The following CORO7 variants were observed in gnomAD, a reference collection of about 807,000 sequenced individuals.
CORO7 encodes coronin 7.
In CORO7, 107 loss-of-function variants were observed where a neutral mutation model predicts 126.6. The ratio of observed to expected loss-of-function variants is 0.85; its 90% CI spans 0.72 to 0.99. The LOEUF is 0.99. Among genes scored for constraint, CORO7 ranks in the 50% least tolerant of loss-of-function variants. The pLI is 0.00. For missense variants in CORO7, 1,314 were observed against 1,255.8 expected, an observed-to-expected ratio of 1.05 and a Z score of -0.70; for synonymous variants, 603 against 536.8, an observed-to-expected ratio of 1.12 and a Z score of -1.70.
At chr16:4,371,262 A>G (rs2054510745) in intron 9 of CORO7, among the ~76,000 whole-genome samples, 1 of 152,232 alleles carries the variant, frequency 6.6e-6, no homozygotes, top group African/African-American at 2.4e-5. Flanking sequence ...CGTGGCTAAG[A>G]GGACCCTGAG....
intron 27 of CORO7, 61 bp downstream of exon 27, chr16:4,355,225 C>A: frequency 6.2e-7 from 1 of 1,601,824 alleles, no homozygotes; most frequent in Non-Finnish European, 8.5e-7. Flanking sequence ...AGGAGGCATG[C>A]ACCGTGGCAT....
At chr16:4,407,732 C>A in intron 4 of CORO7, 48 bp from the exon 5 acceptor site, 1 of 1,508,524 alleles carries the variant, frequency 6.6e-7, no homozygotes. Context: ...GGCCTCACTG[C>A]CTTGAGTCAG....
chr16:4,370,241 C>T (rs1348171062), intron 9 of CORO7, among the ~76,000 whole-genome samples: 3 of 152,284 alleles, frequency 2.0e-5, no homozygotes, highest in East Asian at 1.9e-4. Flanking sequence ...GGAAACAGTC[C>T]GACAAGAGGC....
intron 5 of CORO7, among the ~76,000 whole-genome samples, chr16:4,406,789 G>A (rs964731242): frequency 1.3e-5 from 2 of 151,692 alleles, no homozygotes; most frequent in African/African-American, 2.4e-5. Context: ...ACAGGCACCC[G>A]CCACCACACC....
chr16:4,407,497 G>A lies in CORO7; in HGVS notation c.487+4C>T. On this transcript the variant is annotated splice_donor_region_variant and intron_variant, in intron 5 of 27. Coordinates refer to ENST00000251166, the MANE Select transcript of CORO7 (RefSeq NM_024535.5). ...TGGGAAGGGCAGGCCAGGGTGGCCTGTACCTGTCAGGGGCTGCTGCTTGGC... is the reference window on the plus strand; with the variant it reads ...TGGGAAGGGCAGGCCAGGGTGGCCTATACCTGTCAGGGGCTGCTGCTTGGC... The A allele has an allele frequency of 6.4e-7, 1 of 1,563,972 alleles. No homozygotes were observed. The highest frequency in any genetic ancestry group is 2.4e-5 in the East Asian group (1 of 41,772).
intron 13 of CORO7, 26 bp downstream of exon 13, chr16:4,364,571 G>T (rs1300291239): frequency 6.5e-7 from 1 of 1,545,754 alleles, no homozygotes; most frequent in East Asian, 2.4e-5. Flanking sequence ...GGGAGGCTGG[G>T]AGAGGTGAGC....
At chr16:4,382,915 G>A (rs1483179609) in intron 9 of CORO7, 1 of 1,482,636 alleles carries the variant, frequency 6.7e-7, no homozygotes, top group East Asian at 2.4e-5. Flanking sequence ...AGAGAGACAG[G>A]GCAGCTGGGG....
intron 3 of CORO7, among the ~76,000 whole-genome samples, 169 bp downstream of exon 3, chr16:4,412,187 C>A (rs944590791): frequency 1.3e-5 from 2 of 152,144 alleles, no homozygotes; most frequent in Admixed American, 6.5e-5. Context: ...GAATTCTACA[C>A]CAGGAGGAAG....
At chr16:4,394,677 A>G (rs1292231258) in intron 7 of CORO7, among the ~76,000 whole-genome samples, 1 of 152,214 alleles carries the variant, frequency 6.6e-6, no homozygotes, top group Admixed American at 6.5e-5. Flanking sequence ...TGCCTAGCAC[A>G]GGCAATGTTT....
chr16:4,408,344 T>G, intron 3 of CORO7, 93 bp from the exon 4 acceptor site: 13 of 1,562,004 alleles, frequency 8.3e-6, no homozygotes, highest in Non-Finnish European at 1.1e-5. Context: ...CACTTTTGTG[T>G]GCACACAGAA....
chr16:4,415,662 C>A, intron 1 of CORO7: 1 of 971,292 alleles, frequency 1.0e-6, no homozygotes, highest in Non-Finnish European at 1.2e-6. Flanking sequence ...CTGATGGGGT[C>A]ACTTGAGGTC....
At position 4,380,770 on chromosome 16, in the gene CORO7, G is replaced by C; in HGVS notation, c.785+7216C>G. Reference sequence around the variant, plus strand: ...TAACCATTGGGTTCTCTTGCATTTGGGGGCAGAAGCAGTGAATTCCCTCTG... The same window carrying C: ...TAACCATTGGGTTCTCTTGCATTTGCGGGCAGAAGCAGTGAATTCCCTCTG... On this transcript the variant is annotated intron_variant, in intron 9 of 27. Transcript: ENST00000251166. The C allele has an allele frequency of 2.3e-6, 3 of 1,298,250 alleles. No individual in the cohort carries two copies. In the South Asian group the frequency reaches 4.7e-5, roughly 20 times the overall value. The allele number at this position is 1,298,250 out of a possible 1,614,324, so 80.4% of individuals were successfully genotyped here.
chr16:4,359,631 G>A lies in CORO7; in HGVS notation c.2109-10C>T. ...CTGGCGCTCACTTTGGCTGCAAGGG[G>A]GTTTGGGGGCTGAAGCAGGTGTTTC... On this transcript the variant is annotated splice_polypyrimidine_tract_variant and intron_variant, in intron 21 of 27. Coordinates refer to ENST00000251166, the MANE Select transcript of CORO7 (RefSeq NM_024535.5). 6.3e-7 allele frequency: 1 copy of A among 1,584,558 alleles called. No individual in the cohort carries two copies. Among genetic ancestry groups the A allele is most frequent in the South Asian group, 1.2e-5 (1 of 86,826 alleles).
chr16:4,380,755 G>A, intron 9 of CORO7: 7 of 1,204,888 alleles, frequency 5.8e-6, no homozygotes, highest in Non-Finnish European at 7.8e-6. Flanking sequence ...TAACCATTGG[G>A]TTCTCTTGCA....
chr16:4,366,535 CTTT>C (rs544549233), intron 9 of CORO7, among the ~76,000 whole-genome samples: 4 of 114,386 alleles, frequency 3.5e-5, no homozygotes, highest in Admixed American at 9.3e-5. Flanking sequence ...CTGATCTTTG[CTTT>C]TTTTTTTTTT....
At chr16:4,381,338 AGCTGCAGGACAACGAGCTGCGG>A in intron 9 of CORO7, 1 of 1,609,024 alleles carries the variant, frequency 6.2e-7, no homozygotes, top group East Asian at 2.2e-5. Context: ...CTGGAGCTCA[AGCTGCAGGACAACGAGCTGCGG>A]GCACTGCCCC....
At position 4,357,964 on chromosome 16, in the gene CORO7, G is replaced by A. The variant is rs1219831813; in HGVS notation, c.2593+4C>T. 1 of 1,595,754 alleles carries A rather than the reference G, an allele frequency of 6.3e-7. No homozygotes were observed. The highest frequency in any genetic ancestry group is 8.6e-7 in the Non-Finnish European group (1 of 1,165,554). On this transcript the variant is annotated splice_donor_region_variant and intron_variant, in intron 25 of 27. Coordinates refer to ENST00000251166, the MANE Select transcript of CORO7 (RefSeq NM_024535.5). ...TCCTCCCCACACCCAGTCCCTCGGT[G>A]CACCTGGGCTCATGTCAGGAGGCTG... is the stretch of plus-strand genomic sequence containing the variant.
At chr16:4,391,734 C>A (rs1175012831) in intron 7 of CORO7, among the ~76,000 whole-genome samples, 1 of 152,214 alleles carries the variant, frequency 6.6e-6, no homozygotes, top group Non-Finnish European at 1.5e-5. Context: ...CGTTTGCCAG[C>A]CTCAGCAAGC....
At chr16:4,359,074 A>G (rs1261936249) in intron 23 of CORO7, 3 of 595,022 alleles carry the variant, frequency 5.0e-6, no homozygotes, top group East Asian at 6.1e-5. Flanking sequence ...CCCGGCCTAC[A>G]GTATGATTTT....
Sources: gnomAD v4.1 joint callset for allele counts (sites outside exome capture counted in the v4.1 genomes callset) on GRCh38, gnomAD v4.1.1 for gene constraint, MANE v1.5 for transcripts, NCBI Gene and HGNC (gene_info 2026-07-23, HGNC 2026-07-21) for gene names.